The following HNRNPUL2 variants were observed in gnomAD, a reference collection of about 807,000 sequenced individuals.
The protein encoded by HNRNPUL2 is heterogeneous nuclear ribonucleoprotein U-like protein 2.
In HNRNPUL2, 27 loss-of-function variants were observed where a neutral mutation model predicts 102.2. The ratio of observed to expected loss-of-function variants is 0.26; its 90% confidence interval spans 0.19 to 0.36. HNRNPUL2 has a LOEUF of 0.36. HNRNPUL2 is among the 10% of genes least tolerant of loss of function. HNRNPUL2 has a pLI of 1.00. For synonymous variants in HNRNPUL2, 458 were observed against 387.2 expected (o/e 1.18, Z -2.15); for missense variants, 936 against 981.1 (o/e 0.95, Z 0.61).
At chr11:62,720,317 G>A (rs1466871970) in intron 9 of HNRNPUL2, 126 bp from the exon 10 acceptor site, 8 of 796,714 alleles carry the variant, frequency 1.0e-5, no homozygotes, top group Non-Finnish European at 1.6e-5. Context: ...AGGCCGAGGT[G>A]GGCAGATCAT....
At chr11:62,721,756 C>A in intron 8 of HNRNPUL2, 64 bp downstream of exon 8, 1 of 1,540,546 alleles carries the variant, frequency 6.5e-7, no homozygotes, top group South Asian at 1.1e-5. Flanking sequence ...ACTAATTCTC[C>A]ATTAAAGATA....
chr11:62,723,868 T>C (rs1216699045), intron 3 of HNRNPUL2, 46 bp downstream of exon 3: 9 of 1,602,090 alleles, frequency 5.6e-6, no homozygotes, highest in Non-Finnish European at 6.8e-6. Context: ...CAAAATCACT[T>C]TTAGGAGATT....
intron 4 of HNRNPUL2, among the ~76,000 whole-genome samples, 181 bp downstream of exon 4, chr11:62,723,406 G>A (rs981422217): frequency 1.3e-5 from 2 of 152,136 alleles, no homozygotes; most frequent in African/African-American, 4.8e-5. Flanking sequence ...CAGGAGAATC[G>A]CTTCAACCCA....
rs956438804 is a variant in HNRNPUL2 at position 62,727,262 on chromosome 11, C to T, written c.-106G>A. ...CCGCCGCCCGCCTCCGCCTCACGCG[C>T]CAGCACTGAGCCCGCGCGAGCGAGC... On this transcript the variant is annotated 5_prime_UTR_variant, in exon 1 of 14. Transcript: ENST00000301785. The T allele has an allele frequency of 4.0e-6, 5 of 1,236,220 alleles. No individual in the cohort carries two copies. The highest frequency in any genetic ancestry group is 6.1e-5 in the South Asian group (2 of 32,736). The allele number at this position is 1,236,220 out of a possible 1,614,324, so 76.6% of individuals were successfully genotyped here. A position where few individuals can be genotyped will look rare whatever the true frequency, so the allele number is the denominator to read the frequency against.
At chr11:62,724,475 G>A in intron 1 of HNRNPUL2, 49 bp from the exon 2 acceptor site, 1 of 1,607,782 alleles carries the variant, frequency 6.2e-7, no homozygotes. Context: ...CTGGAGTGTA[G>A]AATAAGCTCA....
intron 1 of HNRNPUL2, among the ~76,000 whole-genome samples, chr11:62,725,985 T>C (rs1044672918): frequency 4.6e-5 from 7 of 152,182 alleles, no homozygotes; most frequent in African/African-American, 1.7e-4. Context: ...CCAAGCAAGA[T>C]AAAAACCCTA....
In HNRNPUL2 at chr11:62,715,368, G is replaced by A. The variant is rs771795974; in HGVS notation, c.2175C>T (p.Tyr725=). Residue 725 remains tyrosine (Y), a synonymous_variant, in exon 14 of 14, where the codon TAC becomes TAT. Transcript: ENST00000301785. ...CTCTGTCCTGGGGGTGGTGGTAGTAGTAACTCTGCCACTAGAAGAGAGGGA... is the reference window on the plus strand; with the variant it reads ...CTCTGTCCTGGGGGTGGTGGTAGTAATAACTCTGCCACTAGAAGAGAGGGA... ...YRQYNRDWQS[Y]YYHHPQDRDR... The A allele has an allele frequency of 1.4e-5, 23 of 1,612,948 alleles. No homozygotes were observed. The highest frequency in any genetic ancestry group is 1.9e-5 in the Non-Finnish European group (22 of 1,179,508).
Position 62,717,067 on chromosome 11 carries a change from G to A in HNRNPUL2, c.1903C>T (p.Pro635Ser), listed in dbSNP as rs1308764241. 4 of 1,614,160 alleles carry A rather than the reference G, an allele frequency of 2.5e-6. No individual in the cohort carries two copies. The highest frequency in any genetic ancestry group is 3.4e-6 in the Non-Finnish European group (4 of 1,180,042). ...CGGCGATTTGTCCGCTTCTCGGAGGGGGGCAGAAGCTTCCTTGCCTCCTCC... is the reference window on the plus strand; with the variant it reads ...CGGCGATTTGTCCGCTTCTCGGAGGAGGGCAGAAGCTTCCTTGCCTCCTCC... Reference protein sequence around the residue: ...YKEEARKLLPPSEKRTNRRNN... With the variant: ...YKEEARKLLPSSEKRTNRRNN... The change falls in exon 11 of 14, where the codon CCC becomes TCC. Residue 635 changes from proline (P) to serine (S), a missense_variant. This residue lies in a region of HNRNPUL2 where 609 missense variants were observed against 713.0 expected (regional missense o/e 0.85). Transcript: ENST00000301785.
chr11:62,726,756 G>A lies in HNRNPUL2; in HGVS notation c.401C>T (p.Ala134Val). 6.2e-7 allele frequency: 1 copy of A among 1,600,942 alleles called. No homozygotes were observed. Among genetic ancestry groups the A allele is most frequent in the Non-Finnish European group, 8.5e-7 (1 of 1,179,558 alleles). The change falls in exon 1 of 14, where the codon GCC (alanine) becomes GTC (valine). Residue 134 changes from alanine to valine, a missense_variant. This residue lies in a region of HNRNPUL2 where 327 missense variants were observed against 268.1 expected (regional missense o/e 1.22). Coordinates refer to ENST00000301785, the MANE Select transcript of HNRNPUL2 (RefSeq NM_001079559.3). ...ATTTACCCCGCCTGACCCGGCCGTG[G>A]CCTCCGCCGGCTTCTCGGAAGCATC... is the stretch of plus-strand genomic sequence containing the variant. Reference protein sequence around the residue: ...EPDASEKPAEATAGSGGVNGG... With the variant: ...EPDASEKPAEVTAGSGGVNGG...
At chr11:62,717,522 G>A (rs988542439) in intron 10 of HNRNPUL2, among the ~76,000 whole-genome samples, 1 of 152,218 alleles carries the variant, frequency 6.6e-6, no homozygotes, top group African/African-American at 2.4e-5. Context: ...AAGTTCTGGT[G>A]TTGGTCAGAT....
rs768681859 is a variant in HNRNPUL2, at chr11:62,714,387, A to G, written c.*912T>C. ...TCTCTCGCACTGTAAGAGGACAGAC[A>G]CTCTAACAGGGATGATTTCAGAGAC... On this transcript the variant is annotated 3_prime_UTR_variant, in exon 14 of 14. Coordinates refer to ENST00000301785, the MANE Select transcript of HNRNPUL2 (RefSeq NM_001079559.3). 6.6e-6 allele frequency: 1 copy of G among 152,028 alleles called. No individual in the cohort carries two copies. Among genetic ancestry groups the G allele is most frequent in the African/African-American group, 2.4e-5 (1 of 41,376 alleles). The allele number at this position is 152,028 out of a possible 1,614,324, so 9.4% of individuals were successfully genotyped here.
chr11:62,722,329 G>A lies in HNRNPUL2; in HGVS notation c.1147C>T (p.Leu383=), dbSNP rs1225389763. ...ELSFSKNGED[L]GVAFWISKDS... ...TTGCTGATCCAGAATGCCACACCTA[G>A]GTCTTCTCCATTCTTGGAGAAGGAA... The change falls in exon 7 of 14, where the codon CTA becomes TTA. Residue 383 remains leucine, a synonymous_variant. Transcript: ENST00000301785. 1.2e-6 allele frequency: 2 copies of A among 1,613,770 alleles called. No homozygotes were observed. Among genetic ancestry groups the A allele is most frequent in the Admixed American group, 1.7e-5 (1 of 59,996 alleles).
chr11:62,718,373 C>T (rs983501327), intron 10 of HNRNPUL2, among the ~76,000 whole-genome samples: 5 of 152,100 alleles, frequency 3.3e-5, no homozygotes, highest in African/African-American at 1.2e-4. Flanking sequence ...AGATCATTCA[C>T]TCCAACTGCC....
chr11:62,723,839 G>A, intron 3 of HNRNPUL2, 75 bp downstream of exon 3: 1 of 1,590,036 alleles, frequency 6.3e-7, no homozygotes, highest in African/African-American at 1.3e-5. Context: ...GAATTTATAG[G>A]CTATGAAGTT....
At position 62,727,205 on chromosome 11, in the gene HNRNPUL2, G is replaced by T. The variant is rs1252132579; in HGVS notation, c.-49C>A. 1.5e-6 allele frequency: 2 copies of T among 1,348,448 alleles called. No individual in the cohort carries two copies. The highest frequency in any genetic ancestry group is 1.9e-6 in the Non-Finnish European group (2 of 1,052,742). The allele number at this position is 1,348,448 out of a possible 1,614,324, so 83.5% of individuals were successfully genotyped here. Reference sequence around the variant, plus strand: ...CCCGCCGCCTCCTCCCCTGCGAACCGTCGACCGAGTCCGACCGCGCAGGCG... The same window carrying T: ...CCCGCCGCCTCCTCCCCTGCGAACCTTCGACCGAGTCCGACCGCGCAGGCG... On this transcript the variant is annotated 5_prime_UTR_variant, in exon 1 of 14. Coordinates refer to ENST00000301785, the MANE Select transcript of HNRNPUL2 (RefSeq NM_001079559.3).
At position 62,715,287 on chromosome 11, in the gene HNRNPUL2, A is replaced by C; in HGVS notation, c.*12T>G. 1 of 1,603,900 alleles carries C rather than the reference A, an allele frequency of 6.2e-7. No individual in the cohort carries two copies. The highest frequency in any genetic ancestry group is 8.5e-7 in the Non-Finnish European group (1 of 1,173,856). On this transcript the variant is annotated 3_prime_UTR_variant, in exon 14 of 14. Coordinates refer to ENST00000301785, the MANE Select transcript of HNRNPUL2 (RefSeq NM_001079559.3). ...TCAGCTTCATGGCTGACAGGTGACC[A>C]TGGCAGGGGCTTCACCGATACCCTT... is the stretch of plus-strand genomic sequence containing the variant.
At chr11:62,720,595 G>A (rs1222392761) in intron 9 of HNRNPUL2, among the ~76,000 whole-genome samples, 5 of 143,946 alleles carry the variant, frequency 3.5e-5, no homozygotes, top group South Asian at 2.2e-4. Flanking sequence ...GACAGCTCAC[G>A]CCTATAATCC....
intron 2 of HNRNPUL2, 150 bp downstream of exon 2, chr11:62,724,141 G>A (rs891705754): frequency 3.4e-6 from 4 of 1,184,776 alleles, no homozygotes; most frequent in African/African-American, 1.5e-5. Flanking sequence ...AGGGCAATAG[G>A]AGTTTCCATG....
chr11:62,723,877 T>C lies in HNRNPUL2; in HGVS notation c.751+37A>G. The C allele has an allele frequency of 2.5e-6, 4 of 1,604,116 alleles. No homozygotes were observed. The South Asian group carries it at 4.4e-5, about 18-fold the overall frequency. On this transcript the variant is annotated intron_variant, in intron 3 of 13. Coordinates refer to ENST00000301785, the MANE Select transcript of HNRNPUL2 (RefSeq NM_001079559.3). ...AATCTCCAAAATCACTTTTAGGAGA[T>C]TAGTTAAAAACCACAGTCTGTCTGC...
Sources: gnomAD v4.1 joint callset for allele counts (sites outside exome capture counted in the v4.1 genomes callset) on GRCh38, gnomAD v4.1.1 for gene constraint, gnomAD v4.1.1 regional missense constraint, MANE v1.5 for transcripts, NCBI Gene and HGNC (gene_info 2026-07-23, HGNC 2026-07-21) for gene names.